Variants in TENM2 observed in about 807,000 individuals in gnomAD.
TENM2 encodes the protein teneurin-2.
TENM2 carries 52 observed loss-of-function variants against 245.2 expected under a neutral mutation model. The ratio of observed to expected loss-of-function variants is 0.21; its 90% CI spans 0.17 to 0.27. The LOEUF (loss-of-function observed/expected upper bound fraction) is 0.27. Among genes scored for constraint, TENM2 ranks in the 10% least tolerant of loss-of-function variants. The probability of loss-of-function intolerance (pLI) is 1.00; values close to 1 mark genes in which losing one functional copy is unlikely to be tolerated. For missense variants in TENM2, 3,046 were observed against 3,666.8 expected (o/e 0.83, Z 4.37); for synonymous variants, 1,363 against 1,438.9 (o/e 0.95, Z 1.19).
At chr5:167,641,801 A>C (rs1044139552) in intron 2 of TENM2, among the ~76,000 whole-genome samples, 1 of 152,134 alleles carries the variant, frequency 6.6e-6, no homozygotes, top group Non-Finnish European at 1.5e-5. Context: ...AGACTAAATA[A>C]AAATGCATCT....
upstream of TENM2, among the ~76,000 whole-genome samples, chr5:167,281,351 G>A (rs1164961245): frequency 1.3e-5 from 2 of 150,072 alleles, no homozygotes; most frequent in African/African-American, 2.5e-5. Flanking sequence ...TCCTAACCTC[G>A]TTATGCACCC....
chr5:166,995,670 G>C, the TENM2 span, among the ~76,000 whole-genome samples: 14 of 151,462 alleles, frequency 9.2e-5, no homozygotes, highest in African/African-American at 3.4e-4. Flanking sequence ...ACAAAAATTA[G>C]CCAGGCGTGG....
chr5:167,092,769 A>T, the TENM2 span, among the ~76,000 whole-genome samples: 1 of 152,198 alleles, frequency 6.6e-6, no homozygotes, highest in Non-Finnish European at 1.5e-5. Context: ...TCCTGTAATT[A>T]TGAGCCCTTA....
the TENM2 span, among the ~76,000 whole-genome samples, chr5:167,206,166 C>T: frequency 5.3e-5 from 8 of 152,302 alleles, no homozygotes; most frequent in East Asian, 3.9e-4. Flanking sequence ...TATCCAACTG[C>T]GCCATCTGGA....
chr5:168,231,273 G>A (rs199512532), intron 25 of TENM2, among the ~76,000 whole-genome samples: 30 of 152,304 alleles, frequency 2.0e-4, no homozygotes, highest in African/African-American at 4.1e-4. Flanking sequence ...CAGGTCTCCC[G>A]TTTGACAAGA....
At chr5:167,266,856 T>C in the TENM2 span, among the ~76,000 whole-genome samples, 3 of 152,188 alleles carry the variant, frequency 2.0e-5, no homozygotes. Flanking sequence ...AATGTGAATG[T>C]GCCATGCTAG....
At chr5:167,618,254 C>T (rs1328640880) in intron 2 of TENM2, among the ~76,000 whole-genome samples, 1 of 152,182 alleles carries the variant, frequency 6.6e-6, no homozygotes, top group African/African-American at 2.4e-5. Context: ...TCCAGGGTCA[C>T]TCATAGTTGG....
chr5:167,581,233 C>T (rs1022847022), intron 2 of TENM2, among the ~76,000 whole-genome samples: 1 of 152,078 alleles, frequency 6.6e-6, no homozygotes, highest in African/African-American at 2.4e-5. Context: ...AAATGTATAA[C>T]ATAATATAAG....
At chr5:167,904,673 CCT>C (rs770792872) in intron 3 of TENM2, among the ~76,000 whole-genome samples, 10 of 152,074 alleles carry the variant, frequency 6.6e-5, no homozygotes, top group Non-Finnish European at 1.2e-4. Context: ...CTCATTTCCC[CCT>C]GTGTCTGTCT....
chr5:167,028,891 TCTAAA>T, the TENM2 span, among the ~76,000 whole-genome samples: 1 of 152,096 alleles, frequency 6.6e-6, no homozygotes, highest in African/African-American at 2.4e-5. Context: ...TCTTTTTAGA[TCTAAA>T]TTTTCGAACT....
At chr5:167,342,507 C>CCT (rs1758167690) in intron 1 of TENM2, among the ~76,000 whole-genome samples, 1 of 54,278 alleles carries the variant, frequency 1.8e-5, no homozygotes, top group African/African-American at 8.0e-5. Context: ...TAAAGTTATT[C>CCT]TTTTTTTTTT....
intron 2 of TENM2, among the ~76,000 whole-genome samples, chr5:167,734,607 A>G (rs1162045368): frequency 6.6e-6 from 1 of 151,936 alleles, no homozygotes; most frequent in Non-Finnish European, 1.5e-5. Context: ...TTCCTATATG[A>G]TTCCCATAGT....
intron 5 of TENM2, among the ~76,000 whole-genome samples, chr5:168,021,734 T>C (rs1011146628): frequency 3.3e-5 from 5 of 151,822 alleles, no homozygotes; most frequent in Admixed American, 6.6e-5. Context: ...CAAAGGACCA[T>C]AAGATTTTTT....
intron 2 of TENM2, among the ~76,000 whole-genome samples, chr5:167,835,047 G>C (rs1326214556): frequency 6.6e-6 from 1 of 152,190 alleles, no homozygotes; most frequent in Non-Finnish European, 1.5e-5. Context: ...TCCTCGCACT[G>C]CCCCTGAGCA....
At chr5:167,077,026 A>T in the TENM2 span, among the ~76,000 whole-genome samples, 4 of 152,136 alleles carry the variant, frequency 2.6e-5, no homozygotes, top group Non-Finnish European at 4.4e-5. Flanking sequence ...GAGTTTCACT[A>T]TGTTGGCCAG....
chr5:168,049,230 A>T (rs573236202), intron 6 of TENM2, among the ~76,000 whole-genome samples: 1 of 152,174 alleles, frequency 6.6e-6, no homozygotes, highest in Non-Finnish European at 1.5e-5. Flanking sequence ...GCCCCCTGTG[A>T]TGAAGAATTA....
Position 167,739,814 on chromosome 5 carries a change from T to C in TENM2, c.503-136172T>C, listed in dbSNP as rs368716332. Among the ~76,000 whole-genome samples the C allele has an allele frequency of 7.2e-5, 11 of 152,224 alleles. No homozygotes were observed. In the East Asian group the frequency reaches 1.9e-3, roughly 27 times the overall value. On this transcript the variant is annotated intron_variant, in intron 2 of 28. Coordinates refer to ENST00000518659, the Ensembl canonical transcript of TENM2. ...ATTCTTCCCCGTTTGGAGTGCAGAG[T>C]TGAGACATTACCTTGAGCACTGAAA...
chr5:167,087,795 T>C, the TENM2 span, among the ~76,000 whole-genome samples: 316 of 145,862 alleles, frequency 2.2e-3, 1 homozygote, highest in African/African-American at 6.9e-3. Flanking sequence ...ATATCTCTCT[T>C]TTTTTTTTTT....
At chr5:167,701,800 T>C (rs1758160557) in intron 2 of TENM2, among the ~76,000 whole-genome samples, 15 of 152,252 alleles carry the variant, frequency 9.9e-5, no homozygotes, top group Admixed American at 9.8e-4. Context: ...CCTGCATTGC[T>C]GTATAAGTAT....
Sources: allele counts gnomAD v4.1 joint callset (sites outside exome capture counted in the v4.1 genomes callset), GRCh38; gene constraint gnomAD v4.1.1; transcripts MANE v1.5; gene names NCBI Gene and HGNC (gene_info 2026-07-23, HGNC 2026-07-21).